Variants in MTHFD1L observed in about 807,000 individuals in gnomAD.
The protein encoded by MTHFD1L is methylenetetrahydrofolate dehydrogenase (NADP+ dependent) 1 like.
MTHFD1L carries 81 observed loss-of-function variants against 119.5 expected under a neutral mutation model. That is an observed-to-expected ratio of 0.68 (90% CI 0.57 to 0.82). MTHFD1L has a LOEUF of 0.82. Ranked by LOEUF, MTHFD1L falls within the 40% of genes least tolerant of loss-of-function variation. The probability of loss-of-function intolerance (pLI) is 0.00; values close to 1 mark genes in which losing one functional copy is unlikely to be tolerated. For missense variants in MTHFD1L, 1,125 were observed against 1,253.4 expected (o/e 0.90, Z 1.55); for synonymous variants, 430 against 475.2 (o/e 0.90, Z 1.24).
In MTHFD1L at chr6:150,964,969, G is replaced by T. The variant is rs1796981922; in HGVS notation, c.1945G>T (p.Gly649Trp). 1.9e-6 allele frequency: 3 copies of T among 1,613,514 alleles called. No homozygotes were observed. The highest frequency in any genetic ancestry group is 2.5e-6 in the Non-Finnish European group (3 of 1,179,602). ...SGQPVTADDL[G>W]VTGALTVLMK... is the part of the protein sequence containing the mutation. ...TCTAATGTTTTTCTCTCTCCTGTAG[G>T]GGGTGACAGGTGCTTTGACAGTTTT... The change falls in exon 19 of 28, where the codon GGG (glycine) becomes TGG (tryptophan). Residue 649 changes from glycine to tryptophan, a missense_variant and splice_region_variant. Around this residue, in one of 3 missense-constraint regions of MTHFD1L, gnomAD observed 1,058 missense variants for 1,151.2 expected, o/e 0.92. Coordinates refer to ENST00000367321, the MANE Select transcript of MTHFD1L (RefSeq NM_015440.5).
At chr6:150,901,013 C>CA (rs57036927) in intron 7 of MTHFD1L, among the ~76,000 whole-genome samples, 41 of 143,888 alleles carry the variant, frequency 2.8e-4, no homozygotes, top group Non-Finnish European at 4.2e-4. Flanking sequence ...AGACTCGTCT[C>CA]AAAAAAAAAA....
chr6:150,990,201 C>A (rs190310540), intron 20 of MTHFD1L, among the ~76,000 whole-genome samples: 2 of 151,920 alleles, frequency 1.3e-5, no homozygotes, highest in East Asian at 3.9e-4. Flanking sequence ...ATCGCTTGAA[C>A]CAGGGAGGCA....
chr6:151,017,099 G>T (rs539478731), intron 24 of MTHFD1L, among the ~76,000 whole-genome samples: 1 of 151,976 alleles, frequency 6.6e-6, no homozygotes, highest in South Asian at 2.1e-4. Flanking sequence ...TTAAGTGCAC[G>T]TCAGTAGTGT....
chr6:151,098,579 C>T (rs1183652492), intron 27 of MTHFD1L, among the ~76,000 whole-genome samples: 1 of 152,194 alleles, frequency 6.6e-6, no homozygotes, highest in African/African-American at 2.4e-5. Flanking sequence ...TCTCTCCTAT[C>T]TAACTAAAAT....
rs779539979 is a variant in MTHFD1L at position 151,009,902 on chromosome 6, G to A, written c.2209G>A (p.Val737Met). Reference sequence around the variant, plus strand: ...CCGAGCTTCCGGCTTGGTGCCCAACGTGGTTGTGTTAGTGGCAACGGTGCG... The same window carrying A: ...CCGAGCTTCCGGCTTGGTGCCCAACATGGTTGTGTTAGTGGCAACGGTGCG... ...KCRASGLVPN[V>M]VVLVATVRAL... is the part of the protein sequence containing the mutation. Residue 737 changes from valine to methionine, a missense_variant, in exon 21 of 28, where the codon GTG (valine) becomes ATG (methionine). Around this residue, in one of 3 missense-constraint regions of MTHFD1L, gnomAD observed 1,058 missense variants for 1,151.2 expected, o/e 0.92. Transcript: ENST00000367321. The A allele has an allele frequency of 3.9e-5, 63 of 1,613,570 alleles. No homozygotes were observed. The highest frequency in any genetic ancestry group is 5.1e-5 in the Non-Finnish European group (60 of 1,179,856).
chr6:151,043,333 C>T (rs1173426681), intron 26 of MTHFD1L, among the ~76,000 whole-genome samples: 4 of 129,698 alleles, frequency 3.1e-5, no homozygotes, highest in Non-Finnish European at 6.2e-5. Flanking sequence ...AGCATGATCT[C>T]GGCTCACTGC....
chr6:151,084,762 G>C (rs1454294045), intron 26 of MTHFD1L, among the ~76,000 whole-genome samples: 1 of 151,378 alleles, frequency 6.6e-6, no homozygotes, highest in South Asian at 2.1e-4. Flanking sequence ...TCAGGAGATC[G>C]AGACCATCCT....
intron 20 of MTHFD1L, among the ~76,000 whole-genome samples, chr6:150,983,103 AT>A (rs1416089735): frequency 6.6e-6 from 1 of 152,094 alleles, no homozygotes; most frequent in Admixed American, 6.6e-5. Context: ...GCATTTGTGA[AT>A]TGTCTATTTT....
At chr6:150,922,387 T>C (rs894477804) in intron 10 of MTHFD1L, 85 bp downstream of exon 10, 2 of 997,934 alleles carry the variant, frequency 2.0e-6, no homozygotes, top group Non-Finnish European at 3.0e-6. Flanking sequence ...GCACAACTCA[T>C]GGTACTGTGG....
At chr6:151,076,236 G>GTCCTAT (rs1792499009) in intron 26 of MTHFD1L, among the ~76,000 whole-genome samples, 4 of 83,294 alleles carry the variant, frequency 4.8e-5, no homozygotes, top group Non-Finnish European at 6.0e-5. Context: ...TGGTGGCCTA[G>GTCCTAT]CTGCTCACTT....
At chr6:150,943,216 A>G (rs1025678961) in intron 13 of MTHFD1L, among the ~76,000 whole-genome samples, 6 of 152,142 alleles carry the variant, frequency 3.9e-5, no homozygotes, top group African/African-American at 1.4e-4. Context: ...CGGAGGTTGC[A>G]TTGAGCTGAG....
intron 1 of MTHFD1L, among the ~76,000 whole-genome samples, chr6:150,866,799 TC>T (rs1335923129): frequency 6.6e-6 from 1 of 152,100 alleles, no homozygotes; most frequent in Admixed American, 6.5e-5. Flanking sequence ...GCCTTTCCCG[TC>T]CCGGTCCCCG....
chr6:150,891,978 A>C (rs1007931145), intron 7 of MTHFD1L, among the ~76,000 whole-genome samples: 8 of 152,208 alleles, frequency 5.3e-5, no homozygotes, highest in African/African-American at 4.8e-5. Flanking sequence ...CAGATTTGGA[A>C]TCTTTGCATG....
At chr6:150,903,760 C>T (rs1785451091) in intron 7 of MTHFD1L, among the ~76,000 whole-genome samples, 1 of 152,152 alleles carries the variant, frequency 6.6e-6, no homozygotes, top group Non-Finnish European at 1.5e-5. Context: ...AGGGCTTTCT[C>T]TTTTCTTTTG....
chr6:150,938,300 G>A (rs954808412), intron 12 of MTHFD1L, among the ~76,000 whole-genome samples: 2 of 152,226 alleles, frequency 1.3e-5, no homozygotes, highest in African/African-American at 4.8e-5. Context: ...TTACAGGCAT[G>A]AGCCACCTCG....
chr6:150,895,841 AC>A (rs1339568492), intron 7 of MTHFD1L, among the ~76,000 whole-genome samples: 2 of 152,252 alleles, frequency 1.3e-5, no homozygotes, highest in Non-Finnish European at 2.9e-5. Flanking sequence ...TTAGTGAGTT[AC>A]ATGACAATTC....
At chr6:150,903,562 A>G (rs1166188472) in intron 7 of MTHFD1L, among the ~76,000 whole-genome samples, 1 of 151,980 alleles carries the variant, frequency 6.6e-6, no homozygotes, top group Non-Finnish European at 1.5e-5. Flanking sequence ...GACCACAGGC[A>G]TGCCTCACCA....
At chr6:150,941,284 C>A (rs1196215230) in intron 13 of MTHFD1L, among the ~76,000 whole-genome samples, 1 of 152,140 alleles carries the variant, frequency 6.6e-6, no homozygotes, top group African/African-American at 2.4e-5. Context: ...CCCCGTGGGC[C>A]AGCGGGAGTT....
chr6:150,931,889 T>C (rs937689684), intron 11 of MTHFD1L, among the ~76,000 whole-genome samples: 5 of 152,158 alleles, frequency 3.3e-5, no homozygotes, highest in African/African-American at 1.2e-4. Flanking sequence ...TGGCAGGGCA[T>C]GGTGGCTCAC....
Sources: gnomAD v4.1 joint callset for allele counts (sites outside exome capture counted in the v4.1 genomes callset) on GRCh38, gnomAD v4.1.1 for gene constraint, gnomAD v4.1.1 regional missense constraint, MANE v1.5 for transcripts, NCBI Gene and HGNC (gene_info 2026-07-23, HGNC 2026-07-21) for gene names.